Variants in UBE2V1 observed in about 807,000 individuals in gnomAD.
The protein encoded by UBE2V1 is ubiquitin conjugating enzyme E2 V1, also known as ubiquitin-conjugating enzyme E2 variant 1.
Under a neutral mutation model 19.6 loss-of-function variants are expected in UBE2V1, and 15 were observed. The ratio of observed to expected loss-of-function variants is 0.77; its 90% CI spans 0.51 to 1.18. The LOEUF is 1.18. Among genes scored for constraint, UBE2V1 ranks in the 50% most tolerant of loss-of-function variants. The pLI is 0.00. For missense variants in UBE2V1, 125 were observed against 184.8 expected (o/e 0.68, Z 1.88); for synonymous variants, 60 against 60.7 (o/e 0.99, Z 0.05).
rs73611764 is a variant in UBE2V1, at chr20:50,082,658, G to A, written c.*110C>T. 26 of 1,490,610 alleles carry A rather than the reference G, an allele frequency of 1.7e-5. No individual in the cohort carries two copies. Among genetic ancestry groups the A allele is most frequent in the East Asian group, 9.1e-5 (4 of 43,880 alleles). The allele number at this position is 1,490,610 out of a possible 1,614,324, so 92.3% of individuals were successfully genotyped here. A position where few individuals can be genotyped will look rare whatever the true frequency, so the allele number is the denominator to read the frequency against. The stretch of plus-strand genomic sequence containing the variant: ...TCCTTTGAATGGGAGCTTCCTTTCC[G>A]GTACTTTGAGGTCTACAAGACGTAT... On this transcript the variant is annotated 3_prime_UTR_variant, in exon 4 of 4. Coordinates refer to ENST00000371674, the MANE Select transcript of UBE2V1 (RefSeq NM_001032288.3).
intron 1 of UBE2V1, among the ~76,000 whole-genome samples, chr20:50,102,150 C>A (rs1179518320): frequency 6.6e-6 from 1 of 152,110 alleles, no homozygotes; most frequent in Non-Finnish European, 1.5e-5. Context: ...CATGTGGCAT[C>A]AAACTTCTTA....
At chr20:50,091,646 G>A (rs963109742) in intron 2 of UBE2V1, among the ~76,000 whole-genome samples, 6 of 152,040 alleles carry the variant, frequency 3.9e-5, no homozygotes, top group African/African-American at 1.4e-4. Flanking sequence ...GCCCGCCTTG[G>A]CCTCCCAAAG....
At chr20:50,087,689 G>C (rs377223256) in intron 2 of UBE2V1, among the ~76,000 whole-genome samples, 3 of 152,178 alleles carry the variant, frequency 2.0e-5, no homozygotes, top group Admixed American at 1.3e-4. Flanking sequence ...CAGACCAGCA[G>C]GCCCCTTCCT....
rs200222788 is a variant in UBE2V1, at chr20:50,084,891, CTTTTTT to C, written c.172-643_172-638del. On this transcript the variant is annotated intron_variant, in intron 2 of 3. Transcript: ENST00000371674. Reference sequence around the variant, plus strand: ...GTGAGGCAGCACAGGGAAAAGCAGTCTTTTTTTTTTTTTTTTTTTTTTGAGACAGAG... The same window carrying C: ...GTGAGGCAGCACAGGGAAAAGCAGTCTTTTTTTTTTTTTTTTGAGACAGAG... The C allele has an allele frequency of 4.7e-3, 517 of 109,690 alleles. 4 individuals carry two copies. The highest frequency in any genetic ancestry group is 0.017 in the African/African-American group (479 of 27,724). 6.8% of individuals were successfully genotyped at this position (109,690 alleles called of 1,614,324 possible).
At chr20:50,101,597 T>A (rs1265081893) in intron 1 of UBE2V1, among the ~76,000 whole-genome samples, 13 of 103,562 alleles carry the variant, frequency 1.3e-4, no homozygotes, top group East Asian at 3.1e-4. Flanking sequence ...AAAAAAAAAA[T>A]TTTACACATT....
intron 1 of UBE2V1, among the ~76,000 whole-genome samples, chr20:50,097,211 C>T (rs544225988): frequency 2.6e-5 from 4 of 152,258 alleles, no homozygotes; most frequent in South Asian, 4.1e-4. Flanking sequence ...GCTAAGACTA[C>T]GCTTATTTGT....
In UBE2V1 at chr20:50,082,454, G is replaced by T. The variant is rs976940985; in HGVS notation, c.*314C>A. The T allele has an allele frequency of 3.4e-6, 1 of 294,560 alleles. No individual in the cohort carries two copies. The highest frequency in any genetic ancestry group is 2.2e-5 in the African/African-American group (1 of 44,912). The allele number at this position is 294,560 out of a possible 1,614,324, so 18.2% of individuals were successfully genotyped here. On this transcript the variant is annotated 3_prime_UTR_variant, in exon 4 of 4. Transcript: ENST00000371674. ...TGATTGTGTGATGTGTCTTTTCACA[G>T]TTGAGTTAGATGTGCCCCACCAGTT...
chr20:50,115,661 A>C, upstream of UBE2V1: 1 of 1,296,510 alleles, frequency 7.7e-7, no homozygotes, highest in Non-Finnish European at 9.9e-7. Flanking sequence ...CCTTGGGCAC[A>C]GGGAAGAGGA....
At chr20:50,103,916 G>A (rs1001492445) in intron 1 of UBE2V1, among the ~76,000 whole-genome samples, 2 of 149,022 alleles carry the variant, frequency 1.3e-5, no homozygotes, top group Non-Finnish European at 3.0e-5. Context: ...ATTCAATCCC[G>A]CCTCCCCAGA....
chr20:50,092,023 C>T (rs1332549229), intron 2 of UBE2V1, among the ~76,000 whole-genome samples: 1 of 152,032 alleles, frequency 6.6e-6, no homozygotes. Flanking sequence ...GGCTCTAATC[C>T]ACACATAAAA....
At chr20:50,112,578 G>A (rs1207889400) in intron 1 of UBE2V1, among the ~76,000 whole-genome samples, 2 of 152,078 alleles carry the variant, frequency 1.3e-5, no homozygotes, top group African/African-American at 4.8e-5. Flanking sequence ...ACTAACGCCG[G>A]AGCCGTTCCC....
At position 50,082,653 on chromosome 20, in the gene UBE2V1, T is replaced by C. The variant is rs1432674901; in HGVS notation, c.*115A>G. ...AAATTTCCTTTGAATGGGAGCTTCC[T>C]TTCCGGTACTTTGAGGTCTACAAGA... On this transcript the variant is annotated 3_prime_UTR_variant, in exon 4 of 4. Transcript: ENST00000371674. The C allele has an allele frequency of 1.4e-5, 21 of 1,488,416 alleles. No individual in the cohort carries two copies. The highest frequency in any genetic ancestry group is 1.5e-5 in the Non-Finnish European group (17 of 1,127,050). 92.2% of individuals were successfully genotyped at this position (1,488,416 alleles called of 1,614,324 possible).
chr20:50,112,973 G>A (rs915504506), intron 1 of UBE2V1, 134 bp downstream of exon 1: 9 of 404,050 alleles, frequency 2.2e-5, no homozygotes, highest in Non-Finnish European at 3.8e-5. Flanking sequence ...AGGCCGCGCC[G>A]GTGGCTGCCG....
chr20:50,101,942 G>T (rs1321683206), intron 1 of UBE2V1, among the ~76,000 whole-genome samples: 1 of 152,190 alleles, frequency 6.6e-6, no homozygotes, highest in Non-Finnish European at 1.5e-5. Flanking sequence ...TCTGACAAAA[G>T]ATGAAGAGGT....
At chr20:50,102,854 C>A (rs894394995) in intron 1 of UBE2V1, among the ~76,000 whole-genome samples, 10 of 152,202 alleles carry the variant, frequency 6.6e-5, no homozygotes, top group Non-Finnish European at 1.3e-4. Context: ...GCTCCCCCAT[C>A]CTCCTCCAGC....
intron 1 of UBE2V1, among the ~76,000 whole-genome samples, chr20:50,112,606 C>A (rs2080832493): frequency 6.6e-6 from 1 of 152,216 alleles, no homozygotes; most frequent in Non-Finnish European, 1.5e-5. Context: ...ATAGGGGATC[C>A]TCTCAAGTCA....
chr20:50,106,950 T>G (rs1254133634), intron 1 of UBE2V1, among the ~76,000 whole-genome samples: 1 of 151,876 alleles, frequency 6.6e-6, no homozygotes, highest in Non-Finnish European at 1.5e-5. Context: ...AAAAATGGTT[T>G]GGTTGCCCAT....
At chr20:50,085,824 T>C (rs2078881840) in intron 2 of UBE2V1, among the ~76,000 whole-genome samples, 1 of 152,170 alleles carries the variant, frequency 6.6e-6, no homozygotes, top group South Asian at 2.1e-4. Context: ...GACATCAGCA[T>C]CTACCCAGTT....
rs368141343 is a variant in UBE2V1 at position 50,082,725 on chromosome 20, C to T, written c.*43G>A. 9.4e-6 allele frequency: 15 copies of T among 1,593,410 alleles called. No individual in the cohort carries two copies. The highest frequency in any genetic ancestry group is 4.4e-4 in the Middle Eastern group (2 of 4,502). ...TGTGGAAAATGAAGACTGATTAAAT[C>T]GAATTGGGGGGAAGGGGAAGGGCCT... On this transcript the variant is annotated 3_prime_UTR_variant, in exon 4 of 4. Transcript: ENST00000371674.
Sources: gnomAD v4.1 joint callset for allele counts (sites outside exome capture counted in the v4.1 genomes callset) on GRCh38, gnomAD v4.1.1 for gene constraint, MANE v1.5 for transcripts, NCBI Gene and HGNC (gene_info 2026-07-23, HGNC 2026-07-21) for gene names.